Variants in ARHGAP42 observed in about 807,000 individuals in gnomAD.
ARHGAP42 encodes rho GTPase-activating protein 42.
ARHGAP42 carries 63 observed loss-of-function variants against 125.0 expected under a neutral mutation model. That is an observed-to-expected ratio of 0.50 (90% confidence interval 0.41 to 0.62). The LOEUF is 0.62. ARHGAP42 is among the 20% of genes least tolerant of loss of function. The pLI is 0.00. For missense variants in ARHGAP42, 766 were observed against 1,024.2 expected (o/e 0.75, Z 3.44); for synonymous variants, 339 against 351.0 (o/e 0.97, Z 0.38).
chr11:100,884,175 A>G (rs10895027), intron 4 of ARHGAP42, among the ~76,000 whole-genome samples: 14,439 of 152,268 alleles, frequency 0.095, 719 homozygotes, highest in Non-Finnish European at 0.1. Flanking sequence ...CAAAAAAACT[A>G]TCAGTCTGGG....
At position 100,907,159 on chromosome 11, in the gene ARHGAP42, TCTAA is replaced by T. The variant is rs549326187; in HGVS notation, c.385-6290_385-6287del. On this transcript the variant is annotated intron_variant, in intron 4 of 23. Coordinates refer to ENST00000298815, the MANE Select transcript of ARHGAP42 (RefSeq NM_152432.4). ...CTTAGCACATGGCATCATTCAACTT[TCTAA>T]CTCTTAGAGCATCCAACTGATATAA... Among the ~76,000 whole-genome samples the T allele has an allele frequency of 2.0e-4, 31 of 152,354 alleles. No individual in the cohort carries two copies. In the South Asian group the frequency reaches 6.4e-3, roughly 32 times the overall value.
At chr11:100,929,728 C>A (rs1397876547) in intron 6 of ARHGAP42, among the ~76,000 whole-genome samples, 2 of 152,198 alleles carry the variant, frequency 1.3e-5, no homozygotes, top group Non-Finnish European at 1.5e-5. Flanking sequence ...TATTCAATTT[C>A]TTTGCCTATT....
intron 3 of ARHGAP42, among the ~76,000 whole-genome samples, chr11:100,849,956 C>T (rs375278835): frequency 2.0e-5 from 3 of 152,238 alleles, no homozygotes; most frequent in South Asian, 2.1e-4. Context: ...ATTTCTCAAA[C>T]TTTAATTGGG....
intron 4 of ARHGAP42, among the ~76,000 whole-genome samples, chr11:100,880,090 A>T (rs1246445915): frequency 6.6e-6 from 1 of 152,104 alleles, no homozygotes; most frequent in Non-Finnish European, 1.5e-5. Flanking sequence ...ACACAGTATA[A>T]ATGTTTTTCT....
rs975242736 is a variant in ARHGAP42, at chr11:100,931,276, G to A, written c.598-1880G>A. On this transcript the variant is annotated intron_variant, in intron 6 of 23. Coordinates refer to ENST00000298815, the MANE Select transcript of ARHGAP42 (RefSeq NM_152432.4). ...TTAGTATTAGTACTTTAGGACTGGAGCATCAAGCCATGGCATAGCAATTTG... is the reference window on the plus strand; with the variant it reads ...TTAGTATTAGTACTTTAGGACTGGAACATCAAGCCATGGCATAGCAATTTG... Among the ~76,000 whole-genome samples the A allele has an allele frequency of 3.3e-5, 5 of 152,162 alleles. No individual in the cohort carries two copies. The South Asian group carries it at 6.2e-4, about 19-fold the overall frequency.
At chr11:100,760,511 C>T (rs1310535727) in intron 1 of ARHGAP42, among the ~76,000 whole-genome samples, 1 of 151,932 alleles carries the variant, frequency 6.6e-6, no homozygotes, top group Non-Finnish European at 1.5e-5. Flanking sequence ...CTAGCCTAGC[C>T]AACATGGTGA....
chr11:100,864,048 C>G (rs1482468945), intron 4 of ARHGAP42, among the ~76,000 whole-genome samples: 1 of 152,166 alleles, frequency 6.6e-6, no homozygotes, highest in Non-Finnish European at 1.5e-5. Context: ...ATTGACAGCT[C>G]TATTTCCATT....
chr11:100,992,223 T>G lies in ARHGAP42; in HGVS notation c.*3422T>G. ...TTTAGAACCCCAACTAGACTTATAC[T>G]TTGACTAAAGTCAGAGGCAGACCAA... On this transcript the variant is annotated 3_prime_UTR_variant, in exon 24 of 24. Coordinates refer to ENST00000298815, the MANE Select transcript of ARHGAP42 (RefSeq NM_152432.4). 6 of 1,449,430 alleles carry G rather than the reference T, an allele frequency of 4.1e-6. No homozygotes were observed. The highest frequency in any genetic ancestry group is 5.6e-6 in the Non-Finnish European group (6 of 1,080,434). The allele number at this position is 1,449,430 out of a possible 1,614,324, so 89.8% of individuals were successfully genotyped here.
chr11:100,735,014 C>CAAA (rs1475106210), intron 1 of ARHGAP42, among the ~76,000 whole-genome samples: 5 of 151,784 alleles, frequency 3.3e-5, no homozygotes, highest in African/African-American at 7.3e-5. Flanking sequence ...ACAACAACAA[C>CAAA]AACAACAACA....
chr11:100,698,963 T>C (rs1481493121), intron 1 of ARHGAP42, among the ~76,000 whole-genome samples: 3 of 152,272 alleles, frequency 2.0e-5, no homozygotes, highest in African/African-American at 4.8e-5. Flanking sequence ...GCTCCATCAC[T>C]GTACCTGTTT....
chr11:100,927,285 T>C, intron 6 of ARHGAP42, among the ~76,000 whole-genome samples: 1 of 152,186 alleles, frequency 6.6e-6, no homozygotes, highest in Non-Finnish European at 1.5e-5. Context: ...TTGATGTGTT[T>C]TTCTTTTTCA....
chr11:100,906,197 T>C (rs1866731519), intron 4 of ARHGAP42, among the ~76,000 whole-genome samples: 1 of 152,198 alleles, frequency 6.6e-6, no homozygotes, highest in Non-Finnish European at 1.5e-5. Flanking sequence ...TTCCCTTATG[T>C]GAGCAGAGCA....
At position 100,970,431 on chromosome 11, in the gene ARHGAP42, T is replaced by C. The variant is rs534511593; in HGVS notation, c.1551-2744T>C. On this transcript the variant is annotated intron_variant, in intron 17 of 23. Coordinates refer to ENST00000298815, the MANE Select transcript of ARHGAP42 (RefSeq NM_152432.4). ...TAACAATAGTTTCAGGAGAGTTCTG[T>C]TTATTTCCTTAGGTGATCTATAAAT... Among the ~76,000 whole-genome samples, 145 of 152,280 alleles carry C rather than the reference T, an allele frequency of 9.5e-4. 1 individual carries two copies. Among genetic ancestry groups the C allele is most frequent in the Non-Finnish European group, 1.8e-3 (124 of 68,020 alleles).
chr11:100,909,079 A>C (rs1866834164), intron 4 of ARHGAP42, among the ~76,000 whole-genome samples: 1 of 151,822 alleles, frequency 6.6e-6, no homozygotes, highest in South Asian at 2.1e-4. Context: ...TAATAGGGTT[A>C]TTTGTCTTTT....
intron 3 of ARHGAP42, among the ~76,000 whole-genome samples, chr11:100,821,165 G>C (rs961830733): frequency 6.6e-6 from 1 of 152,068 alleles, no homozygotes; most frequent in Non-Finnish European, 1.5e-5. Context: ...AAAGGAGATG[G>C]AGAGAGATGA....
rs537658165 is a variant in ARHGAP42, at chr11:100,867,026, G to T, written c.384+7401G>T. Among the ~76,000 whole-genome samples the T allele has an allele frequency of 2.0e-5, 3 of 152,234 alleles. No homozygotes were observed. In the South Asian group the frequency reaches 6.2e-4, roughly 32 times the overall value. ...AAGGAACCTTTTTTCCTTAGCAAAA[G>T]ATCTCAAGAGGGCACTTAAAATATT... On this transcript the variant is annotated intron_variant, in intron 4 of 23. Transcript: ENST00000298815.
At chr11:100,724,090 TTTC>T (rs2120278905) in intron 1 of ARHGAP42, among the ~76,000 whole-genome samples, 1 of 152,330 alleles carries the variant, frequency 6.6e-6, no homozygotes, top group Non-Finnish European at 1.5e-5. Flanking sequence ...TCTTAAGATT[TTTC>T]TTCTTTAGCT....
intron 1 of ARHGAP42, among the ~76,000 whole-genome samples, chr11:100,718,225 G>A (rs1861699296): frequency 6.6e-6 from 1 of 152,186 alleles, no homozygotes; most frequent in South Asian, 2.1e-4. Context: ...TGTGGCATGA[G>A]ACACATTTTA....
At chr11:100,699,255 T>C (rs1861348179) in intron 1 of ARHGAP42, among the ~76,000 whole-genome samples, 1 of 151,874 alleles carries the variant, frequency 6.6e-6, no homozygotes, top group Non-Finnish European at 1.5e-5. Context: ...TTGTTCTCTT[T>C]GTATTCCTTT....
Sources: gnomAD v4.1 joint callset for allele counts (sites outside exome capture counted in the v4.1 genomes callset) on GRCh38, gnomAD v4.1.1 for gene constraint, MANE v1.5 for transcripts, NCBI Gene and HGNC (gene_info 2026-07-23, HGNC 2026-07-21) for gene names.